The following UFM1 variants were observed in gnomAD, a reference collection of about 807,000 sequenced individuals.
UFM1 encodes ubiquitin fold modifier 1, also known as ubiquitin-fold modifier 1.
In UFM1, 9 loss-of-function variants were observed where a neutral mutation model predicts 15.4. The ratio of observed to expected loss-of-function variants is 0.59; its 90% CI spans 0.35 to 1.02. The LOEUF (loss-of-function observed/expected upper bound fraction) is 1.02, where lower values mean the gene tolerates loss of function less well. UFM1 is among the 50% of genes least tolerant of loss of function. The pLI is 0.02. For missense variants in UFM1, 98 were observed against 104.7 expected (o/e 0.94, Z 0.28); for synonymous variants, 27 against 36.3 (o/e 0.74, Z 0.92).
intron 4 of UFM1, 66 bp downstream of exon 4, chr13:38,358,198 T>C: frequency 9.8e-7 from 1 of 1,015,876 alleles, no homozygotes; most frequent in South Asian, 2.1e-5. Context: ...AGGAACCAAA[T>C]TAATTAAAAT....
At chr13:38,350,557 A>G (rs1256880987) in intron 2 of UFM1, among the ~76,000 whole-genome samples, 1 of 152,200 alleles carries the variant, frequency 6.6e-6, no homozygotes. Flanking sequence ...GCAGTCGGGC[A>G]TCACAAAGTA....
At chr13:38,359,606 A>G (rs952149554) in intron 5 of UFM1, 1 of 257,664 alleles carries the variant, frequency 3.9e-6, no homozygotes, top group African/African-American at 2.2e-5. Flanking sequence ...GTCTGTAGAT[A>G]AGATTGCTTT....
Position 38,359,325 on chromosome 13 carries a change from A to T in UFM1, c.182A>T (p.Gln61Leu). 6.2e-7 allele frequency: 1 copy of T among 1,611,802 alleles called. No homozygotes were observed. The highest frequency in any genetic ancestry group is 8.5e-7 in the Non-Finnish European group (1 of 1,178,388). The change falls in exon 5 of 6, where the codon CAG (glutamine) becomes CTG (leucine). Residue 61 changes from glutamine to leucine, a missense_variant. By Grantham distance (113) the Gln-to-Leu change is moderately radical (BLOSUM62 -2). Transcript: ENST00000239878. ...GATGGAATAGGAATAAATCCTGCAC[A>T]GACTGCTGGTGAGTATTTGAAAACT... The part of the protein sequence containing the change: ...TNDGIGINPA[Q>L]TAGNVFLKHG...
chr13:38,352,636 A>G (rs1878913513), intron 2 of UFM1, among the ~76,000 whole-genome samples: 1 of 152,218 alleles, frequency 6.6e-6, no homozygotes, highest in East Asian at 1.9e-4. Flanking sequence ...TTAAATCTAG[A>G]TAAGATCTGT....
chr13:38,350,162 C>A, intron 2 of UFM1, 107 bp downstream of exon 2: 2 of 1,613,952 alleles, frequency 1.2e-6, no homozygotes, highest in Non-Finnish European at 1.7e-6. Context: ...TTCATCTCTT[C>A]ACTTCATCTA....
In UFM1 at chr13:38,349,890, C is replaced by A; in HGVS notation, c.-30C>A. On this transcript the variant is annotated 5_prime_UTR_variant, in exon 1 of 6. Coordinates refer to ENST00000239878, the MANE Select transcript of UFM1 (RefSeq NM_016617.4). ...AGTCGTGCTACCCCCGCGGAGTTGTCGTGTGTTCTGGATTCATTCCGGCAC... is the reference window on the plus strand; with the variant it reads ...AGTCGTGCTACCCCCGCGGAGTTGTAGTGTGTTCTGGATTCATTCCGGCAC... 6.2e-7 allele frequency: 1 copy of A among 1,614,064 alleles called. No individual in the cohort carries two copies. Among genetic ancestry groups the A allele is most frequent in the Non-Finnish European group, 8.5e-7 (1 of 1,180,024 alleles).
In UFM1 at chr13:38,362,892, AT is replaced by A. The variant is rs1386319640; in HGVS notation, c.*2115del. The A allele has an allele frequency of 6.6e-6, 1 of 152,214 alleles. No individual in the cohort carries two copies. Among genetic ancestry groups the A allele is most frequent in the Non-Finnish European group, 1.5e-5 (1 of 68,022 alleles). The allele number at this position is 152,214 out of a possible 1,614,324, so 9.4% of individuals were successfully genotyped here. ...AAGTAGACATTTTGTTATTAAAAAA[AT>A]GTGATCTGTAATTTCTTTGTGCAGA... On this transcript the variant is annotated 3_prime_UTR_variant, in exon 6 of 6. Transcript: ENST00000239878.
chr13:38,357,597 A>G (rs907409196), intron 3 of UFM1, among the ~76,000 whole-genome samples: 1 of 151,774 alleles, frequency 6.6e-6, no homozygotes, highest in African/African-American at 2.4e-5. Flanking sequence ...CCCCCTGTGC[A>G]GTTGAAAATC....
intron 5 of UFM1, among the ~76,000 whole-genome samples, chr13:38,360,490 T>A (rs1295254752): frequency 6.6e-6 from 1 of 152,086 alleles, no homozygotes; most frequent in Non-Finnish European, 1.5e-5. Context: ...CGTCAGAGTT[T>A]TCATGGCTGG....
At chr13:38,357,718 T>C (rs975808843) in intron 3 of UFM1, among the ~76,000 whole-genome samples, 4 of 151,980 alleles carry the variant, frequency 2.6e-5, no homozygotes, top group African/African-American at 9.7e-5. Context: ...ATGTGTATTA[T>C]ATACTGTATT....
chr13:38,354,950 T>C (rs376370839), intron 3 of UFM1: 5 of 152,074 alleles, frequency 3.3e-5, no homozygotes, highest in African/African-American at 1.2e-4. Context: ...ATGATGCAAA[T>C]CCCTCTTTTT....
At chr13:38,357,116 C>T (rs369255630) in intron 3 of UFM1, among the ~76,000 whole-genome samples, 22 of 151,936 alleles carry the variant, frequency 1.4e-4, no homozygotes, top group Admixed American at 5.9e-4. Flanking sequence ...ACATCATCTA[C>T]ACTTAATTAT....
intron 2 of UFM1, among the ~76,000 whole-genome samples, chr13:38,351,835 G>A (rs187751418): frequency 4.3e-4 from 66 of 152,266 alleles, no homozygotes; most frequent in Non-Finnish European, 6.6e-4. Context: ...GTATGTGTGC[G>A]TGTGTAGTTG....
At position 38,363,528 on chromosome 13, in the gene UFM1, G is replaced by A. The variant is rs1305921459; in HGVS notation, c.*2750G>A. 6.6e-6 allele frequency: 1 copy of A among 152,000 alleles called. No individual in the cohort carries two copies. The highest frequency in any genetic ancestry group is 2.4e-5 in the African/African-American group (1 of 41,384). The allele number at this position is 152,000 out of a possible 1,614,324, so 9.4% of individuals were successfully genotyped here. On this transcript the variant is annotated 3_prime_UTR_variant, in exon 6 of 6. Transcript: ENST00000239878. ...AAAAAAAAAAAGTTGAGAAGAAAAT[G>A]GGGTTATTGTAACTGGCTAGGTTGG...
chr13:38,350,133 A>G (rs1432633834), intron 2 of UFM1, 78 bp downstream of exon 2: 5 of 1,613,946 alleles, frequency 3.1e-6, no homozygotes, highest in Non-Finnish European at 4.2e-6. Flanking sequence ...AGCTTTTCCA[A>G]CAACTACCCC....
chr13:38,350,219 C>G (rs1399043592), intron 2 of UFM1, 164 bp downstream of exon 2: 1 of 1,609,900 alleles, frequency 6.2e-7, no homozygotes, highest in South Asian at 1.1e-5. Context: ...CCGGAGCCTG[C>G]GAGGAGAGGT....
rs536436247 is a variant in UFM1 at position 38,354,535 on chromosome 13, T to G, written c.117+239T>G. On this transcript the variant is annotated intron_variant, in intron 3 of 5. Coordinates refer to ENST00000239878, the MANE Select transcript of UFM1 (RefSeq NM_016617.4). ...AAAATTATAAGAATTTAATGAATTTTTATGAGAATTTTTATGAAAACTAAA... is the reference window on the plus strand; with the variant it reads ...AAAATTATAAGAATTTAATGAATTTGTATGAGAATTTTTATGAAAACTAAA... The G allele has an allele frequency of 5.3e-4, 190 of 359,542 alleles. 2 individuals are homozygous for G. Among genetic ancestry groups the G allele is most frequent in the African/African-American group, 3.7e-3 (177 of 47,822 alleles). The allele number at this position is 359,542 out of a possible 1,614,324, so 22.3% of individuals were successfully genotyped here.
intron 5 of UFM1, among the ~76,000 whole-genome samples, chr13:38,360,308 A>G (rs959732023): frequency 6.6e-6 from 1 of 152,038 alleles, no homozygotes; most frequent in African/African-American, 2.4e-5. Context: ...GAATGTGCAT[A>G]TCCTTGATAT....
intron 5 of UFM1, 108 bp downstream of exon 5, chr13:38,359,441 G>A (rs1879274875): frequency 3.1e-6 from 4 of 1,297,098 alleles, no homozygotes; most frequent in Admixed American, 1.7e-5. Flanking sequence ...ACATAATGGA[G>A]CTGTTTTTTA....
Sources: gnomAD v4.1 joint callset for allele counts (sites outside exome capture counted in the v4.1 genomes callset) on GRCh38, gnomAD v4.1.1 for gene constraint, MANE v1.5 for transcripts, NCBI Gene and HGNC (gene_info 2026-07-23, HGNC 2026-07-21) for gene names.